Variants in FGD4 observed in about 807,000 individuals in gnomAD.
FGD4 encodes the protein FYVE, RhoGEF and PH domain-containing protein 4.
Under a neutral mutation model 102.0 loss-of-function variants are expected in FGD4, and 42 were observed. That is an observed-to-expected ratio of 0.41 (90% confidence interval 0.32 to 0.53). The LOEUF is 0.53. Among genes scored for constraint, FGD4 ranks in the 20% least tolerant of loss-of-function variants. The probability of loss-of-function intolerance (pLI) is 0.21; values close to 1 mark genes in which losing one functional copy is unlikely to be tolerated. For synonymous variants in FGD4, 380 were observed against 375.7 expected, an observed-to-expected ratio of 1.01 and a Z score of -0.13; for missense variants, 902 against 1,078.2, an observed-to-expected ratio of 0.84 and a Z score of 2.29.
chr12:32,517,959 G>A (rs868027617), intron 1 of FGD4, among the ~76,000 whole-genome samples: 10 of 131,356 alleles, frequency 7.6e-5, no homozygotes, highest in South Asian at 5.1e-4. Context: ...CCCCAATATC[G>A]TTAGTATTTT....
intron 1 of FGD4, among the ~76,000 whole-genome samples, chr12:32,514,436 T>G (rs1939688892): frequency 6.6e-6 from 1 of 152,192 alleles, no homozygotes; most frequent in Non-Finnish European, 1.5e-5. Flanking sequence ...ATGATTTTTA[T>G]CTATCATTAA....
intron 1 of FGD4, among the ~76,000 whole-genome samples, chr12:32,476,455 G>A (rs113808424): frequency 6.6e-6 from 1 of 152,078 alleles, no homozygotes; most frequent in Non-Finnish European, 1.5e-5. Context: ...TATGACTGTC[G>A]AGTTGGTCCT....
chr12:32,584,588 AC>A (rs149060764), intron 4 of FGD4, among the ~76,000 whole-genome samples: 3,642 of 144,566 alleles, frequency 0.025, 132 homozygotes, highest in African/African-American at 0.088. Context: ...TCATGTTGTA[AC>A]CCCCCCCTCC....
chr12:32,467,225 G>T (rs899262755), intron 1 of FGD4, among the ~76,000 whole-genome samples: 1 of 152,072 alleles, frequency 6.6e-6, no homozygotes, highest in Non-Finnish European at 1.5e-5. Flanking sequence ...TTTGGTAAAA[G>T]AAAAATAAAC....
At chr12:32,405,263 T>G (rs1162352172) in intron 1 of FGD4, among the ~76,000 whole-genome samples, 4 of 141,768 alleles carry the variant, frequency 2.8e-5, no homozygotes, top group South Asian at 2.3e-4. Context: ...AGTCAGTGGT[T>G]TTTTTTTTTT....
intron 1 of FGD4, among the ~76,000 whole-genome samples, chr12:32,461,416 A>G (rs562724568): frequency 6.6e-6 from 1 of 152,328 alleles, no homozygotes; most frequent in East Asian, 1.9e-4. Flanking sequence ...GAAAAATACC[A>G]CAATGCTTAA....
intron 1 of FGD4, among the ~76,000 whole-genome samples, chr12:32,519,007 C>T (rs1347682972): frequency 1.4e-5 from 2 of 147,684 alleles, no homozygotes; most frequent in African/African-American, 2.5e-5. Flanking sequence ...CCCAGCTACT[C>T]GGGAGGCTGA....
intron 3 of FGD4, among the ~76,000 whole-genome samples, chr12:32,580,684 G>A (rs1053500133): frequency 1.3e-5 from 2 of 152,000 alleles, no homozygotes; most frequent in East Asian, 1.9e-4. Flanking sequence ...TCAGGAGATC[G>A]AGACCATCCT....
chr12:32,453,827 C>T (rs1942877479), intron 1 of FGD4, among the ~76,000 whole-genome samples: 1 of 152,100 alleles, frequency 6.6e-6, no homozygotes, highest in African/African-American at 2.4e-5. Flanking sequence ...AACTGAACAA[C>T]TGATGTATAG....
Position 32,516,489 on chromosome 12 carries a change from T to C in FGD4, c.167-47648T>C, listed in dbSNP as rs988774915. The stretch of plus-strand genomic sequence containing the variant: ...TGGTTAGTATCATCAGTATTTCCTA[T>C]TTACTTTGAGTATCCATGGACTTTT... On this transcript the variant is annotated intron_variant, in intron 1 of 16. Transcript: ENST00000534526. Among the ~76,000 whole-genome samples the C allele has an allele frequency of 7.9e-5, 12 of 152,146 alleles. 1 individual carries two copies. The highest frequency in any genetic ancestry group is 2.9e-4 in the African/African-American group (12 of 41,428).
intron 1 of FGD4, among the ~76,000 whole-genome samples, chr12:32,514,336 G>A (rs1006685690): frequency 6.6e-6 from 1 of 152,170 alleles, no homozygotes; most frequent in African/African-American, 2.4e-5. Flanking sequence ...AAGTATTTCA[G>A]TGTTAATTGG....
intron 1 of FGD4, among the ~76,000 whole-genome samples, chr12:32,508,301 G>A (rs1024773036): frequency 1.3e-5 from 2 of 152,138 alleles, no homozygotes; most frequent in African/African-American, 4.8e-5. Flanking sequence ...AGGAATGTTT[G>A]AATAGTTTTA....
rs910601048 is a variant in FGD4, at chr12:32,610,876, A to G, written c.1602+42A>G. 7 of 1,571,630 alleles carry G rather than the reference A, an allele frequency of 4.5e-6. No homozygotes were observed. The Middle Eastern group carries it at 5.0e-4, about 113-fold the overall frequency. On this transcript the variant is annotated intron_variant, in intron 9 of 16. Transcript: ENST00000534526. The stretch of plus-strand genomic sequence containing the variant: ...GGAGACAGGAACCTCTGATTAGACA[A>G]TTATCAATAATACTGCCTCAATACT...
rs540903569 is a variant in FGD4 at position 32,592,186 on chromosome 12, G to A, written c.1012-6311G>A. On this transcript the variant is annotated intron_variant, in intron 4 of 16. Transcript: ENST00000534526. ...TAGCCTCCGCTTCCTGGGTTCAAGC[G>A]ATTCTCCTGCTTCAGCCTCCTGAGT... 7.9e-5 allele frequency among the ~76,000 whole-genome samples: 12 copies of A among 152,118 alleles called. No individual in the cohort carries two copies. The East Asian group carries it at 1.4e-3, about 17-fold the overall frequency.
At chr12:32,540,972 T>A (rs1403160187) in intron 1 of FGD4, among the ~76,000 whole-genome samples, 1 of 152,244 alleles carries the variant, frequency 6.6e-6, no homozygotes, top group African/African-American at 2.4e-5. Flanking sequence ...CGTTATATCA[T>A]TGAATGAATA....
chr12:32,608,710 A>G (rs1216921559), intron 8 of FGD4, among the ~76,000 whole-genome samples: 1 of 152,192 alleles, frequency 6.6e-6, no homozygotes, highest in African/African-American at 2.4e-5. Context: ...ATCAACTGTA[A>G]AGGCATGAAT....
chr12:32,537,169 A>G (rs1437393472), intron 1 of FGD4, among the ~76,000 whole-genome samples: 3 of 152,062 alleles, frequency 2.0e-5, no homozygotes, highest in Non-Finnish European at 4.4e-5. Flanking sequence ...CGGCCTCCCA[A>G]AGTGCTGGGA....
intron 1 of FGD4, among the ~76,000 whole-genome samples, chr12:32,410,823 C>T (rs773841019): frequency 3.3e-5 from 5 of 152,032 alleles, no homozygotes; most frequent in African/African-American, 4.8e-5. Context: ...CCCTGCTCTG[C>T]AAGGCTGGGG....
chr12:32,483,188 A>G (rs774827575), intron 1 of FGD4, among the ~76,000 whole-genome samples: 19 of 152,206 alleles, frequency 1.2e-4, no homozygotes, highest in Non-Finnish European at 2.1e-4. Flanking sequence ...TGCAGTTCCT[A>G]TAGCCATTCT....
Sources: gnomAD v4.1 joint callset for allele counts (sites outside exome capture counted in the v4.1 genomes callset) on GRCh38, gnomAD v4.1.1 for gene constraint, MANE v1.5 for transcripts, NCBI Gene and HGNC (gene_info 2026-07-23, HGNC 2026-07-21) for gene names.